NME9: variants seen among roughly 807,000 people sequenced by gnomAD.
The protein encoded by NME9 is NME/NM23 family member 9.
Under a neutral mutation model 44.4 loss-of-function variants are expected in NME9, and 48 were observed. The observed-to-expected ratio is 1.08, with a 90% CI of 0.86 to 1.37. NME9 has a LOEUF of 1.37. NME9 is among the 40% of genes most tolerant of loss of function. NME9 has a pLI of 0.00. For missense variants in NME9, 325 were observed against 405.2 expected (o/e 0.80, Z 1.70); for synonymous variants, 139 against 147.1 (o/e 0.94, Z 0.40).
At chr3:138,327,854 A>G (rs1427033388) in intron 1 of NME9, among the ~76,000 whole-genome samples, 1 of 152,086 alleles carries the variant, frequency 6.6e-6, no homozygotes, top group African/African-American at 2.4e-5. Flanking sequence ...AAATAACAAC[A>G]TTGCTAACAA....
At chr3:138,286,321 C>T (rs576779055) in intron 8 of NME9, among the ~76,000 whole-genome samples, 1 of 152,242 alleles carries the variant, frequency 6.6e-6, no homozygotes, top group East Asian at 1.9e-4. Flanking sequence ...TTTTTAACCT[C>T]CTCTGTTTCA....
In NME9 at chr3:138,263,672, C is replaced by G. The variant is rs1343165003; in HGVS notation, c.746-1086G>C. 1.2e-5 allele frequency: 15 copies of G among 1,285,092 alleles called. No individual in the cohort carries two copies. In the African/African-American group the frequency reaches 1.5e-4, roughly 13 times the overall value. 79.6% of individuals were successfully genotyped at this position (1,285,092 alleles called of 1,614,324 possible). ...CTTTTAATGGATGTTAACATACTTG[C>G]ATTTACAAGCAGTGAAGTTTGTCAC... On this transcript the variant is annotated intron_variant, in intron 8 of 8. Coordinates refer to the NME9 transcript ENST00000317876.
intron 8 of NME9, chr3:138,267,090 A>C: frequency 1.3e-6 from 1 of 789,586 alleles, no homozygotes; most frequent in Non-Finnish European, 2.0e-6. Flanking sequence ...TATATTTTAT[A>C]TCTCATTTTA....
intron 8 of NME9, among the ~76,000 whole-genome samples, chr3:138,271,752 A>G (rs1264971657): frequency 1.3e-5 from 2 of 151,732 alleles, no homozygotes; most frequent in African/African-American, 4.9e-5. Flanking sequence ...CTGGAGGGCA[A>G]CAACCACATA....
At chr3:138,274,196 TTATG>T (rs562378964) in intron 8 of NME9, among the ~76,000 whole-genome samples, 12 of 151,816 alleles carry the variant, frequency 7.9e-5, no homozygotes, top group Admixed American at 5.9e-4. Flanking sequence ...CAGGTCAACT[TTATG>T]TATGTATGTA....
intron 1 of NME9, chr3:138,326,944 C>G (rs990582871): frequency 7.0e-6 from 1 of 142,088 alleles, no homozygotes; most frequent in African/African-American, 2.6e-5. Context: ...AAGTTTCAGA[C>G]CTGCCTGGCC....
At chr3:138,263,336 C>T (rs1177469483) in intron 8 of NME9, among the ~76,000 whole-genome samples, 5 of 152,220 alleles carry the variant, frequency 3.3e-5, no homozygotes, top group African/African-American at 1.2e-4. Context: ...GCCCAGATTT[C>T]ATTTTGTGAG....
At chr3:138,273,013 G>A in intron 8 of NME9, 3 of 1,606,226 alleles carry the variant, frequency 1.9e-6, no homozygotes, top group Non-Finnish European at 2.6e-6. Context: ...GATATTTTAC[G>A]AAGCTTGAGT....
chr3:138,329,685 T>G lies in NME9; in HGVS notation c.-350A>C. 2 of 1,153,692 alleles carry G rather than the reference T, an allele frequency of 1.7e-6. No individual in the cohort carries two copies. Among genetic ancestry groups the G allele is most frequent in the Non-Finnish European group, 2.1e-6 (2 of 936,522 alleles). 71.5% of individuals were successfully genotyped at this position (1,153,692 alleles called of 1,614,324 possible). A position where few individuals can be genotyped will look rare whatever the true frequency, so the allele number is the denominator to read the frequency against. ...GCGGTGCAGCCTGTCGGGCACAGGG[T>G]CGCCAGTCGAGGAATTCTGACAAAA... On this transcript the variant is annotated 5_prime_UTR_variant, in exon 1 of 11. Coordinates refer to ENST00000333911, the MANE Select transcript of NME9 (RefSeq NM_001349018.2).
intron 8 of NME9, among the ~76,000 whole-genome samples, chr3:138,277,646 A>T (rs1385366532): frequency 1.3e-5 from 2 of 152,240 alleles, no homozygotes; most frequent in South Asian, 2.1e-4. Context: ...AAATTTTTTT[A>T]AAACAGTACA....
chr3:138,262,030 G>A (rs1351025051), exon 9 of NME9: 1 of 152,850 alleles, frequency 6.5e-6, no homozygotes, highest in African/African-American at 2.4e-5. Context: ...CGCTGAGGTG[G>A]GATAGCTTAC....
chr3:138,292,036 C>CTTTCT (rs988187057), intron 8 of NME9, among the ~76,000 whole-genome samples: 5 of 151,042 alleles, frequency 3.3e-5, no homozygotes, highest in African/African-American at 1.2e-4. Context: ...TTCTTTTTTT[C>CTTTCT]TTTCTTTTCT....
At chr3:138,302,731 T>C (rs926238466) in intron 10 of NME9, among the ~76,000 whole-genome samples, 16 of 152,350 alleles carry the variant, frequency 1.1e-4, no homozygotes, top group Non-Finnish European at 1.5e-4. Flanking sequence ...GCAAATATAT[T>C]GATTAAAACC....
downstream of NME9, chr3:138,298,221 G>A (rs1176600498): frequency 6.6e-6 from 1 of 152,150 alleles, no homozygotes; most frequent in Non-Finnish European, 1.5e-5. Context: ...TGCCCTGATT[G>A]TAATCCAAAA....
intron 8 of NME9, among the ~76,000 whole-genome samples, chr3:138,288,783 G>A (rs921635326): frequency 2.6e-5 from 4 of 151,254 alleles, no homozygotes; most frequent in East Asian, 3.9e-4. Flanking sequence ...GATTACAGGC[G>A]CCCGCCACTA....
intron 4 of NME9, among the ~76,000 whole-genome samples, chr3:138,317,885 T>C (rs556739955): frequency 1.3e-5 from 2 of 152,276 alleles, no homozygotes; most frequent in Non-Finnish European, 2.9e-5. Flanking sequence ...TCCACCTCCT[T>C]GGGCACAGGG....
chr3:138,307,695 A>G (rs2052378499), intron 6 of NME9, among the ~76,000 whole-genome samples: 1 of 152,250 alleles, frequency 6.6e-6, no homozygotes, highest in African/African-American at 2.4e-5. Context: ...AAAAGAGACC[A>G]AAGCAGGGGC....
exon 9 of NME9, chr3:138,261,833 G>C (rs980077042): frequency 6.6e-6 from 1 of 152,224 alleles, no homozygotes; most frequent in African/African-American, 2.4e-5. Context: ...AAAGCATGGA[G>C]ACCTTTCGTC....
intron 8 of NME9, chr3:138,290,719 A>C: frequency 1.1e-6 from 1 of 886,640 alleles, no homozygotes; most frequent in Non-Finnish European, 1.8e-6. Flanking sequence ...TTGGTAATTA[A>C]TGGCCATACT....
Sources: allele counts gnomAD v4.1 joint callset (sites outside exome capture counted in the v4.1 genomes callset), GRCh38; gene constraint gnomAD v4.1.1; transcripts MANE v1.5; gene names NCBI Gene and HGNC (gene_info 2026-07-23, HGNC 2026-07-21).